SLC8A1: variants seen among roughly 807,000 people sequenced by gnomAD.
The protein encoded by SLC8A1 is sodium/calcium exchanger 1.
Under a neutral mutation model 68.3 loss-of-function variants are expected in SLC8A1, and 18 were observed. The observed-to-expected ratio is 0.26, with a 90% CI of 0.18 to 0.39. The LOEUF is 0.39. Among genes scored for constraint, SLC8A1 ranks in the 10% least tolerant of loss-of-function variants. The pLI is 1.00. For synonymous variants in SLC8A1, 475 were observed against 415.5 expected (o/e 1.14, Z -1.74); for missense variants, 985 against 1,156.7 (o/e 0.85, Z 2.15).
chr2:40,334,339 G>A (rs1384086570), intron 2 of SLC8A1, among the ~76,000 whole-genome samples: 1 of 152,104 alleles, frequency 6.6e-6, no homozygotes, highest in Non-Finnish European at 1.5e-5. Context: ...AATACTCAAC[G>A]ATTTAATACC....
intron 6 of SLC8A1, among the ~76,000 whole-genome samples, chr2:40,142,897 G>C (rs985991): frequency 0.2 from 29,870 of 151,794 alleles, 3,181 homozygotes; most frequent in African/African-American, 0.27. Context: ...AATTAATTTT[G>C]CCCTCTGAAA....
At chr2:40,353,719 A>G (rs905278494) in intron 2 of SLC8A1, among the ~76,000 whole-genome samples, 2 of 152,142 alleles carry the variant, frequency 1.3e-5, no homozygotes, top group Non-Finnish European at 2.9e-5. Context: ...TCTTTCTCCC[A>G]AAGTCATCTT....
At chr2:40,359,407 A>G (rs1204901064) in intron 2 of SLC8A1, among the ~76,000 whole-genome samples, 2 of 152,194 alleles carry the variant, frequency 1.3e-5, no homozygotes, top group Non-Finnish European at 2.9e-5. Context: ...TAGTAAGTAC[A>G]TGCATAGCCT....
chr2:40,227,817 G>T (rs979362732), intron 2 of SLC8A1, among the ~76,000 whole-genome samples: 1 of 151,946 alleles, frequency 6.6e-6, no homozygotes, highest in African/African-American at 2.4e-5. Flanking sequence ...ATGACAGCAC[G>T]GTGCTATATA....
intron 2 of SLC8A1, among the ~76,000 whole-genome samples, chr2:40,416,837 A>C (rs987981345): frequency 2.0e-4 from 30 of 152,088 alleles, no homozygotes; most frequent in African/African-American, 6.5e-4. Context: ...TTTTAATTTA[A>C]AAGTAGTAAC....
At chr2:40,097,876 T>G (rs1250015637) in exon 8 of SLC8A1, 1 of 151,970 alleles carries the variant, frequency 6.6e-6, no homozygotes, top group Non-Finnish European at 1.5e-5. Context: ...AGGAATTTAT[T>G]CTTCTGTGGG....
At chr2:40,394,730 C>T (rs755855956) in intron 2 of SLC8A1, among the ~76,000 whole-genome samples, 12 of 151,922 alleles carry the variant, frequency 7.9e-5, no homozygotes, top group African/African-American at 2.2e-4. Context: ...TTTAGCACAA[C>T]GTGTTTTTTC....
At chr2:40,365,272 G>A (rs967554096) in intron 2 of SLC8A1, among the ~76,000 whole-genome samples, 2 of 151,778 alleles carry the variant, frequency 1.3e-5, no homozygotes, top group Non-Finnish European at 2.9e-5. Flanking sequence ...ATAGAATTTG[G>A]TGGTCCTTCT....
chr2:40,394,880 T>A (rs1281070341), intron 2 of SLC8A1, among the ~76,000 whole-genome samples: 1 of 152,148 alleles, frequency 6.6e-6, no homozygotes, highest in Non-Finnish European at 1.5e-5. Context: ...GTTGTTAGCA[T>A]CTTCTGTGCC....
At chr2:40,224,484 G>C (rs138733521) in intron 2 of SLC8A1, among the ~76,000 whole-genome samples, 1 of 152,196 alleles carries the variant, frequency 6.6e-6, no homozygotes, top group African/African-American at 2.4e-5. Context: ...ATGATTTAAT[G>C]TGTTCTTGGC....
intron 1 of SLC8A1, among the ~76,000 whole-genome samples, chr2:40,475,976 A>G (rs1704279873): frequency 6.6e-6 from 1 of 152,186 alleles, no homozygotes; most frequent in African/African-American, 2.4e-5. Context: ...AAAAGATAAT[A>G]ACCTTAACAA....
At chr2:40,135,112 C>T (rs2040241183) in intron 7 of SLC8A1, among the ~76,000 whole-genome samples, 1 of 152,122 alleles carries the variant, frequency 6.6e-6, no homozygotes, top group African/African-American at 2.4e-5. Flanking sequence ...AAAAAAGGCC[C>T]ATGGGCCCAA....
intron 2 of SLC8A1, among the ~76,000 whole-genome samples, chr2:40,286,225 A>T (rs78643539): frequency 0.064 from 9,814 of 152,196 alleles, 1,048 homozygotes; most frequent in African/African-American, 0.22. Flanking sequence ...ACTCCATTTT[A>T]TCTTCAAGAG....
In SLC8A1 at chr2:40,348,156, C is replaced by T. The variant is rs560071784; in HGVS notation, c.1808+80317G>A. On this transcript the variant is annotated intron_variant, in intron 2 of 7. Coordinates refer to ENST00000406785, the Ensembl canonical transcript of SLC8A1. ...AGACGGCGTGGTGACAGGAAGACAA[C>T]GTGGTGTGCAGAGAGAAGATTGAAC... 7.2e-5 allele frequency among the ~76,000 whole-genome samples: 11 copies of T among 152,188 alleles called. 1 individual carries two copies. The highest frequency in any genetic ancestry group is 6.8e-3 in the Middle Eastern group (2 of 294).
exon 8 of SLC8A1, chr2:40,105,207 T>G (rs2034121336): frequency 6.6e-6 from 1 of 152,212 alleles, no homozygotes; most frequent in South Asian, 2.1e-4. Flanking sequence ...AGATAAAAAC[T>G]TACCAGGAAG....
chr2:40,349,533 T>C (rs917800367), intron 2 of SLC8A1, among the ~76,000 whole-genome samples: 5 of 152,212 alleles, frequency 3.3e-5, no homozygotes, highest in Non-Finnish European at 7.3e-5. Context: ...AGTTCCTCTC[T>C]GCACCTCAGC....
chr2:40,400,541 C>A (rs909980118), intron 2 of SLC8A1, among the ~76,000 whole-genome samples: 7 of 152,120 alleles, frequency 4.6e-5, no homozygotes, highest in Admixed American at 1.3e-4. Context: ...TGGCCTGAGT[C>A]AAAGTCCTTT....
At position 40,179,738 on chromosome 2, in the gene SLC8A1, TTATC is replaced by T. The variant is rs1163661299; in HGVS notation, c.1809-1887_1809-1884del. ...GCTTATGATCTTGTTTTTATTTTAT[TTATC>T]TGAGCCATTAAGTTTCATTAGATCT... On this transcript the variant is annotated intron_variant, in intron 2 of 7. Coordinates refer to ENST00000406785, the Ensembl canonical transcript of SLC8A1. Among the ~76,000 whole-genome samples the T allele has an allele frequency of 2.0e-5, 3 of 152,192 alleles. No homozygotes were observed. The South Asian group carries it at 6.2e-4, about 32-fold the overall frequency.
chr2:40,193,434 A>G (rs907320936), intron 2 of SLC8A1, among the ~76,000 whole-genome samples: 5 of 152,052 alleles, frequency 3.3e-5, no homozygotes, highest in Non-Finnish European at 7.4e-5. Flanking sequence ...ATGCACCTCT[A>G]TGTGTGTTAA....
Sources: gnomAD v4.1 joint callset for allele counts (sites outside exome capture counted in the v4.1 genomes callset) on GRCh38, gnomAD v4.1.1 for gene constraint, MANE v1.5 for transcripts, NCBI Gene and HGNC (gene_info 2026-07-23, HGNC 2026-07-21) for gene names.